The following ATM variants were observed in gnomAD, a reference collection of about 807,000 sequenced individuals.
ATM encodes serine-protein kinase ATM.
ATM carries 308 observed loss-of-function variants against 387.0 expected under a neutral mutation model. The observed-to-expected ratio is 0.80, with a 90% confidence interval of 0.73 to 0.87. The LOEUF (loss-of-function observed/expected upper bound fraction) is 0.87, where lower values mean the gene tolerates loss of function less well. ATM is among the 40% of genes least tolerant of loss of function. ATM has a pLI of 0.00. For synonymous variants in ATM, 1,156 were observed against 1,187.3 expected, an observed-to-expected ratio of 0.97 and a Z score of 0.54; for missense variants, 3,312 against 3,560.9, an observed-to-expected ratio of 0.93 and a Z score of 1.78.
At chr11:108,235,187 C>G (rs2079203845) in intron 4 of ATM, among the ~76,000 whole-genome samples, 2 of 151,272 alleles carry the variant, frequency 1.3e-5, no homozygotes, top group Non-Finnish European at 2.9e-5. Flanking sequence ...GTCTCAGCTA[C>G]TTGGAGGCTG....
In ATM at chr11:108,268,450, A is replaced by T. The variant is rs139316519; in HGVS notation, c.2679A>T (p.Gln893His). 6.8e-6 allele frequency: 11 copies of T among 1,613,916 alleles called. No homozygotes were observed. Among genetic ancestry groups the T allele is most frequent in the Non-Finnish European group, 2.5e-6 (3 of 1,179,996 alleles). ...NPLAEEYLSK[Q>H]DLLFLDMLKF... ...TAGCTGAAGAATATCTGTCAAAGCA[A>T]GATCTACTTTTCTTAGACATGCTCA... is the stretch of plus-strand genomic sequence containing the variant. Residue 893 changes from glutamine to histidine, a missense_variant, in exon 18 of 63, where the codon CAA (glutamine) becomes CAT (histidine). Physicochemically the swap from Gln to His is conservative, Grantham distance 24 (BLOSUM62 0). Around this residue, in one of 4 missense-constraint regions of ATM, gnomAD observed 1,791 missense variants for 1,804.5 expected, o/e 0.99. Transcript: ENST00000675843.
chr11:108,295,160 G>C (rs2135841392), intron 32 of ATM, 101 bp downstream of exon 32: 3 of 1,473,834 alleles, frequency 2.0e-6, no homozygotes, highest in South Asian at 2.3e-5. Flanking sequence ...ACTTAGTTCA[G>C]ACTCTCATCA....
At chr11:108,360,080 T>A (rs1436790955) in intron 61 of ATM, among the ~76,000 whole-genome samples, 1 of 150,308 alleles carries the variant, frequency 6.7e-6, no homozygotes, top group Non-Finnish European at 1.5e-5. Flanking sequence ...GAGAGAAGAA[T>A]CAAATAGACA....
chr11:108,267,314 C>T lies in ATM; in HGVS notation c.2610C>T (p.Asn870=), dbSNP rs587780618. The T allele has an allele frequency of 5.5e-5, 89 of 1,613,842 alleles. No homozygotes were observed. The highest frequency in any genetic ancestry group is 6.6e-5 in the Non-Finnish European group (78 of 1,179,960). ...CTGATAGTAGTGTTAGTGATGCAAA[C>T]GAACCTGGAGAGAGCCAAAGTACCA... ...DYPDSSVSDA[N]EPGESQSTIG... The change falls in exon 17 of 63, where the codon AAC becomes AAT. Residue 870 remains asparagine, a synonymous_variant. Coordinates refer to ENST00000675843, the MANE Select transcript of ATM (RefSeq NM_000051.4).
At chr11:108,275,312 C>A (rs2081879725) in intron 22 of ATM, among the ~76,000 whole-genome samples, 1 of 152,158 alleles carries the variant, frequency 6.6e-6, no homozygotes, top group South Asian at 2.1e-4. Flanking sequence ...GACTCTTTAT[C>A]CAATTTGCCA....
In ATM at chr11:108,279,520, C is replaced by G. The variant is rs141999815; in HGVS notation, c.3314C>G (p.Ser1105Cys). Residue 1105 changes from serine (S) to cysteine (C), a missense_variant, in exon 23 of 63, where the codon TCC (serine) becomes TGC (cysteine). Ser to Cys is a moderately radical substitution (Grantham distance 112). This residue lies in a region of ATM where 1,791 missense variants were observed against 1,804.5 expected (regional missense o/e 0.99). Coordinates refer to ENST00000675843, the MANE Select transcript of ATM (RefSeq NM_000051.4). ...RLFQDTKGDS[S>C]RLLKALPLKL... ...TTCCAGGACACGAAGGGAGATTCTTCCAGGTTACTGAAAGCACTTCCTTTG... is the reference window on the plus strand; with the variant it reads ...TTCCAGGACACGAAGGGAGATTCTTGCAGGTTACTGAAAGCACTTCCTTTG... The G allele has an allele frequency of 6.2e-7, 1 of 1,612,888 alleles. No individual in the cohort carries two copies. The highest frequency in any genetic ancestry group is 1.1e-5 in the South Asian group (1 of 90,964).
At chr11:108,264,467 T>C (rs1280903781) in intron 16 of ATM, among the ~76,000 whole-genome samples, 1 of 152,214 alleles carries the variant, frequency 6.6e-6, no homozygotes, top group Non-Finnish European at 1.5e-5. Context: ...AATTAGGTAT[T>C]GATGGGACGT....
At chr11:108,330,890 A>G (rs1353509863) in intron 50 of ATM, among the ~76,000 whole-genome samples, 2 of 152,228 alleles carry the variant, frequency 1.3e-5, no homozygotes, top group Admixed American at 6.5e-5. Flanking sequence ...GCAGTATTGT[A>G]TAAGTTTTTC....
chr11:108,271,509 A>G (rs2081583052), intron 20 of ATM, 103 bp downstream of exon 20: 2 of 1,301,524 alleles, frequency 1.5e-6, no homozygotes, highest in African/African-American at 2.9e-5. Context: ...CTTCCTACAT[A>G]GCTAATACAT....
intron 22 of ATM, among the ~76,000 whole-genome samples, chr11:108,276,896 C>A (rs1300705321): frequency 6.6e-6 from 1 of 152,186 alleles, no homozygotes; most frequent in South Asian, 2.1e-4. Context: ...GAGCGCTGTG[C>A]TGGGAGATCC....
In ATM at chr11:108,332,814, C is replaced by T. The variant is rs769207177; in HGVS notation, c.7841C>T (p.Pro2614Leu). The T allele has an allele frequency of 1.2e-6, 2 of 1,613,274 alleles. No homozygotes were observed. The highest frequency in any genetic ancestry group is 1.7e-6 in the Non-Finnish European group (2 of 1,179,668). ...RIICTIRSRR[P>L]QMVRSVEALC... ...ATATGTACTATCAGAAGTAGGAGACCTCAGATGGTCAGAAGTGTTGAGGCA... is the reference window on the plus strand; with the variant it reads ...ATATGTACTATCAGAAGTAGGAGACTTCAGATGGTCAGAAGTGTTGAGGCA... The change falls in exon 53 of 63, where the codon CCT becomes CTT. Residue 2614 changes from proline to leucine, a missense_variant. Physicochemically the swap from Pro to Leu is moderately conservative, Grantham distance 98. This residue lies in a region of ATM where 1,405 missense variants were observed against 1,604.4 expected (regional missense o/e 0.88). Transcript: ENST00000675843.
At chr11:108,330,149 G>T (rs1000754618) in intron 49 of ATM, 65 bp from the exon 50 acceptor site, 1 of 1,526,002 alleles carries the variant, frequency 6.6e-7, no homozygotes, top group Non-Finnish European at 9.0e-7. Context: ...TGTATATCAT[G>T]TGTGATTTTG....
chr11:108,315,975 A>G, intron 41 of ATM, 36 bp from the exon 42 acceptor site: 1 of 1,611,568 alleles, frequency 6.2e-7, no homozygotes, highest in Non-Finnish European at 8.5e-7. Context: ...ATGTGTGTGT[A>G]AAACCCAAAG....
At chr11:108,346,461 A>G (rs1248544218) in intron 58 of ATM, 14 of 152,522 alleles carry the variant, frequency 9.2e-5, no homozygotes, top group African/African-American at 3.4e-4. Context: ...GAGTATGAGA[A>G]CTAATGTAAA....
chr11:108,316,170 C>T (rs2136135717), intron 42 of ATM, 57 bp downstream of exon 42: 2 of 1,465,808 alleles, frequency 1.4e-6, no homozygotes, highest in Non-Finnish European at 1.9e-6. Context: ...GAGGTTATTT[C>T]AGTATGTTGG....
intron 23 of ATM, 125 bp from the exon 24 acceptor site, chr11:108,280,870 A>G: frequency 1.3e-6 from 1 of 782,460 alleles, no homozygotes; most frequent in Non-Finnish European, 2.0e-6. Flanking sequence ...AACTAGGATT[A>G]GTGAGTAGGA....
At chr11:108,241,143 T>C (rs1344506213) in intron 5 of ATM, among the ~76,000 whole-genome samples, 1 of 152,220 alleles carries the variant, frequency 6.6e-6, no homozygotes, top group Non-Finnish European at 1.5e-5. Flanking sequence ...AGTATCACTG[T>C]CTTCTGTCCC....
At chr11:108,267,514 A>G (rs2135512936) in intron 17 of ATM, among the ~76,000 whole-genome samples, 172 bp downstream of exon 17, 1 of 151,220 alleles carries the variant, frequency 6.6e-6, no homozygotes, top group African/African-American at 2.4e-5. Flanking sequence ...ACTTGAATTT[A>G]TTAGTTTCAT....
chr11:108,357,041 A>G (rs1052125546), intron 61 of ATM, among the ~76,000 whole-genome samples: 1 of 152,242 alleles, frequency 6.6e-6, no homozygotes, highest in African/African-American at 2.4e-5. Context: ...TACCAGGTTC[A>G]TCTCACTAGG....
Sources: allele counts gnomAD v4.1 joint callset (sites outside exome capture counted in the v4.1 genomes callset), GRCh38; gene constraint gnomAD v4.1.1; regional missense constraint gnomAD v4.1.1; transcripts MANE v1.5; gene names NCBI Gene and HGNC (gene_info 2026-07-23, HGNC 2026-07-21).